Variants in ASCC1 observed in about 807,000 individuals in gnomAD.
The protein encoded by ASCC1 is ASC-1 complex subunit P50.
ASCC1 carries 35 observed loss-of-function variants against 46.6 expected under a neutral mutation model. The observed-to-expected ratio is 0.75, with a 90% CI of 0.57 to 0.99. The LOEUF (loss-of-function observed/expected upper bound fraction) is 0.99. Among genes scored for constraint, ASCC1 ranks in the 50% least tolerant of loss-of-function variants. ASCC1 has a pLI of 0.00. For missense variants in ASCC1, 376 were observed against 428.7 expected (o/e 0.88, Z 1.09); for synonymous variants, 143 against 146.6 (o/e 0.98, Z 0.18).
At chr10:72,162,760 T>A (rs765973121) in intron 5 of ASCC1, among the ~76,000 whole-genome samples, 2 of 151,872 alleles carry the variant, frequency 1.3e-5, no homozygotes, top group Non-Finnish European at 2.9e-5. Context: ...CTGACCAACA[T>A]GGTGAAACCC....
At chr10:72,152,172 G>GTT (rs57745135) in intron 7 of ASCC1, among the ~76,000 whole-genome samples, 2 of 135,086 alleles carry the variant, frequency 1.5e-5, no homozygotes, top group Non-Finnish European at 1.6e-5. Context: ...TTGTTTTTGG[G>GTT]TTTTTTTTTT....
chr10:72,127,804 AGT>A (rs1845059123), intron 9 of ASCC1, among the ~76,000 whole-genome samples: 2 of 152,016 alleles, frequency 1.3e-5, no homozygotes, highest in Non-Finnish European at 1.5e-5. Flanking sequence ...TCCAGTGAGC[AGT>A]GTTTGCACCA....
chr10:72,181,640 GA>G (rs199635107), intron 5 of ASCC1, among the ~76,000 whole-genome samples: 3 of 146,326 alleles, frequency 2.1e-5, no homozygotes, highest in Admixed American at 6.8e-5. Flanking sequence ...CTGAAGCAGA[GA>G]AAAAAAAACG....
intron 5 of ASCC1, among the ~76,000 whole-genome samples, chr10:72,184,725 AC>A (rs1853192676): frequency 6.6e-6 from 1 of 151,790 alleles, no homozygotes; most frequent in Admixed American, 6.6e-5. Context: ...CAGTATGGAT[AC>A]AGAGGTTGCA....
chr10:72,179,581 T>C (rs1295095208), intron 5 of ASCC1, among the ~76,000 whole-genome samples: 1 of 152,216 alleles, frequency 6.6e-6, no homozygotes, highest in Non-Finnish European at 1.5e-5. Flanking sequence ...CTGCTCTACT[T>C]AACACTGTGG....
At chr10:72,103,140 C>CTT (rs554220050) in intron 9 of ASCC1, among the ~76,000 whole-genome samples, 145 of 147,458 alleles carry the variant, frequency 9.8e-4, no homozygotes, top group African/African-American at 3.5e-3. Context: ...TTTTTTTTTC[C>CTT]TTTTTTTTTT....
In ASCC1 at chr10:72,096,972, G is replaced by T. The variant is rs753795514; in HGVS notation, c.*362C>A. ...TACAAGCTGAGAAGCCTATGGAGAT[G>T]GACGGCGGTGACGGCCACACAGCAT... On this transcript the variant is annotated 3_prime_UTR_variant, in exon 10 of 10. Transcript: ENST00000672957. 1 of 454,970 alleles carries T rather than the reference G, an allele frequency of 2.2e-6. No homozygotes were observed. The highest frequency in any genetic ancestry group is 1.6e-5 in the South Asian group (1 of 64,486). 28.2% of individuals were successfully genotyped at this position (454,970 alleles called of 1,614,324 possible). A position where few individuals can be genotyped will look rare whatever the true frequency, so the allele number is the denominator to read the frequency against.
chr10:72,161,662 C>T lies in ASCC1; in HGVS notation c.502G>A (p.Asp168Asn), dbSNP rs368470267. ...LAKCSMDHGV[D>N]SSIFQNPKKL... Reference sequence around the variant, plus strand: ...TTAGGATTCTGGAAAATGCTGCTGTCAACCCCATGATCCTGTTATCAAAGA... The same window carrying T: ...TTAGGATTCTGGAAAATGCTGCTGTTAACCCCATGATCCTGTTATCAAAGA... The change falls in exon 6 of 10, where the codon GAC becomes AAC. Residue 168 changes from aspartate to asparagine, a missense_variant. Coordinates refer to ENST00000672957, the MANE Select transcript of ASCC1 (RefSeq NM_001198800.3). 2.5e-6 allele frequency: 4 copies of T among 1,614,164 alleles called. No individual in the cohort carries two copies. In the South Asian group the frequency reaches 4.4e-5, roughly 18 times the overall value.
At chr10:72,175,235 C>A (rs778932331) in intron 5 of ASCC1, among the ~76,000 whole-genome samples, 2 of 152,222 alleles carry the variant, frequency 1.3e-5, no homozygotes, top group African/African-American at 2.4e-5. Context: ...ATCTATAAAA[C>A]AGACAATACT....
chr10:72,208,624 G>A (rs1857571137), intron 3 of ASCC1, among the ~76,000 whole-genome samples: 1 of 152,120 alleles, frequency 6.6e-6, no homozygotes, highest in Admixed American at 6.6e-5. Context: ...GCCAGGTGTA[G>A]TAGTGCAGGC....
rs374431268 is a variant in ASCC1, at chr10:72,116,994, A to G, written c.957+11088T>C. ...GTTGCCCAGGCTGGAGTGCAGTGGC[A>G]TGATCTCAGGTCACTGCAACCTCCA... On this transcript the variant is annotated intron_variant, in intron 9 of 9. Coordinates refer to ENST00000672957, the MANE Select transcript of ASCC1 (RefSeq NM_001198800.3). 1.1e-3 allele frequency among the ~76,000 whole-genome samples: 168 copies of G among 152,156 alleles called. 2 individuals carry two copies. The highest frequency in any genetic ancestry group is 3.2e-3 in the African/African-American group (134 of 41,542).
intron 5 of ASCC1, among the ~76,000 whole-genome samples, chr10:72,166,759 T>C (rs1479536202): frequency 6.6e-6 from 1 of 152,108 alleles, no homozygotes; most frequent in African/African-American, 2.4e-5. Flanking sequence ...CATAATCCAA[T>C]TTTAAAATAA....
At chr10:72,152,576 G>T (rs948630398) in intron 7 of ASCC1, among the ~76,000 whole-genome samples, 2 of 152,124 alleles carry the variant, frequency 1.3e-5, no homozygotes, top group African/African-American at 4.8e-5. Context: ...CGCGCCTATA[G>T]TCCCAGCTAC....
intron 5 of ASCC1, among the ~76,000 whole-genome samples, chr10:72,195,690 C>T (rs991124718): frequency 6.6e-5 from 10 of 151,512 alleles, no homozygotes; most frequent in African/African-American, 2.2e-4. Context: ...CAAAATTAGC[C>T]GGGTATGGTG....
chr10:72,179,712 A>G (rs961084662), intron 5 of ASCC1, among the ~76,000 whole-genome samples: 1 of 152,250 alleles, frequency 6.6e-6, no homozygotes, highest in Non-Finnish European at 1.5e-5. Flanking sequence ...CAAAATGAAC[A>G]TAGGAGACAT....
intron 5 of ASCC1, among the ~76,000 whole-genome samples, chr10:72,174,505 G>T (rs1261389619): frequency 6.6e-6 from 1 of 152,128 alleles, no homozygotes; most frequent in East Asian, 1.9e-4. Context: ...TCAGCAAGTA[G>T]AAGGGAGGCC....
At chr10:72,211,088 ACGGTAGTTC>A (rs1236166294) in intron 2 of ASCC1, among the ~76,000 whole-genome samples, 1 of 152,200 alleles carries the variant, frequency 6.6e-6, no homozygotes, top group African/African-American at 2.4e-5. Flanking sequence ...GCATATGCAT[ACGGTAGTTC>A]CCCCCATCTG....
Position 72,096,434 on chromosome 10 carries a change from A to G in ASCC1, c.*900T>C, listed in dbSNP as rs1337972791. 3 of 454,184 alleles carry G rather than the reference A, an allele frequency of 6.6e-6. No homozygotes were observed. Among genetic ancestry groups the G allele is most frequent in the South Asian group, 4.7e-5 (3 of 64,470 alleles). The allele number at this position is 454,184 out of a possible 1,614,324, so 28.1% of individuals were successfully genotyped here. A position where few individuals can be genotyped will look rare whatever the true frequency, so the allele number is the denominator to read the frequency against. On this transcript the variant is annotated 3_prime_UTR_variant, in exon 10 of 10. Transcript: ENST00000672957. ...GCAACTCCATCAGGGGCATGGGAAG[A>G]TGAGGGTGGGGATGGGGTGAAGGAA...
intron 3 of ASCC1, among the ~76,000 whole-genome samples, chr10:72,207,815 ATT>A (rs34399551): frequency 1.2e-3 from 177 of 146,348 alleles, no homozygotes; most frequent in Non-Finnish European, 1.3e-3. Flanking sequence ...AAATCTTAGT[ATT>A]TTTTTTTTTT....
Sources: allele counts gnomAD v4.1 joint callset (sites outside exome capture counted in the v4.1 genomes callset), GRCh38; gene constraint gnomAD v4.1.1; transcripts MANE v1.5; gene names NCBI Gene and HGNC (gene_info 2026-07-23, HGNC 2026-07-21).